The following DLGAP2 variants were observed in gnomAD, a reference collection of about 807,000 sequenced individuals.
DLGAP2 encodes the protein DLG associated protein 2.
Under a neutral mutation model 100.3 loss-of-function variants are expected in DLGAP2, and 26 were observed. The observed-to-expected ratio is 0.26, with a 90% CI of 0.19 to 0.36. The LOEUF (loss-of-function observed/expected upper bound fraction) is 0.36. Ranked by LOEUF, DLGAP2 falls within the 10% of genes least tolerant of loss-of-function variation. The pLI is 1.00. For synonymous variants in DLGAP2, 886 were observed against 630.1 expected (o/e 1.41, Z -6.08); for missense variants, 1,858 against 1,453.2 (o/e 1.28, Z -4.53).
chr8:915,281 C>T (rs1312184337), intron 2 of DLGAP2, among the ~76,000 whole-genome samples: 1 of 152,214 alleles, frequency 6.6e-6, no homozygotes, highest in African/African-American at 2.4e-5. Flanking sequence ...GGCGCGGTGG[C>T]TCACGCCTGT....
chr8:1,433,397 C>T (rs780897147), intron 3 of DLGAP2, among the ~76,000 whole-genome samples: 3 of 152,286 alleles, frequency 2.0e-5, no homozygotes, highest in East Asian at 3.9e-4. Flanking sequence ...GCCAGGCACC[C>T]GCTGCGGTGG....
intron 6 of DLGAP2, among the ~76,000 whole-genome samples, chr8:1,585,214 G>A (rs1161752410): frequency 6.6e-6 from 1 of 152,186 alleles, no homozygotes; most frequent in African/African-American, 2.4e-5. Flanking sequence ...TGTGATCCCA[G>A]CACTTTGGGA....
chr8:1,448,186 T>C (rs903771781), intron 3 of DLGAP2, among the ~76,000 whole-genome samples: 1 of 152,216 alleles, frequency 6.6e-6, no homozygotes, highest in Non-Finnish European at 1.5e-5. Flanking sequence ...ATTAGGGTGT[T>C]GATTTTGGAT....
At chr8:1,006,605 G>A (rs1327154777) in intron 2 of DLGAP2, among the ~76,000 whole-genome samples, 1 of 45,696 alleles carries the variant, frequency 2.2e-5, no homozygotes, top group African/African-American at 1.0e-4. Context: ...GTCTCGGGAT[G>A]TGGTCCTTTA....
chr8:881,496 CTTTTTTTT>C (rs533557661), intron 1 of DLGAP2, among the ~76,000 whole-genome samples: 15 of 85,628 alleles, frequency 1.8e-4, no homozygotes, highest in Admixed American at 1.3e-4. Flanking sequence ...TTTCATCTCT[CTTTTTTTT>C]TTTTTTTTTT....
intron 3 of DLGAP2, among the ~76,000 whole-genome samples, chr8:1,357,978 C>T (rs368674388): frequency 6.6e-6 from 1 of 152,136 alleles, no homozygotes; most frequent in African/African-American, 2.4e-5. Context: ...CAGACCCAAT[C>T]GACTTAGAGA....
chr8:1,476,597 G>A (rs1798936409), intron 3 of DLGAP2, among the ~76,000 whole-genome samples: 1 of 152,164 alleles, frequency 6.6e-6, no homozygotes, highest in Non-Finnish European at 1.5e-5. Context: ...CCCCATCGGT[G>A]ACATTCCTCA....
intron 2 of DLGAP2, among the ~76,000 whole-genome samples, chr8:1,076,111 C>G (rs1360984304): frequency 6.6e-6 from 1 of 152,130 alleles, no homozygotes; most frequent in African/African-American, 2.4e-5. Flanking sequence ...AGAAAATCCA[C>G]AAGTGATTTA....
intron 2 of DLGAP2, among the ~76,000 whole-genome samples, chr8:1,076,070 G>A (rs1177428512): frequency 6.6e-6 from 1 of 152,106 alleles, no homozygotes; most frequent in Non-Finnish European, 1.5e-5. Flanking sequence ...CTAGCAAAAG[G>A]TAGGAGGATT....
At chr8:1,148,906 C>T (rs1329873437) in intron 2 of DLGAP2, among the ~76,000 whole-genome samples, 1 of 152,136 alleles carries the variant, frequency 6.6e-6, no homozygotes, top group Admixed American at 6.5e-5. Flanking sequence ...TTATTTCTGA[C>T]TTCAGTGGTC....
intron 1 of DLGAP2, among the ~76,000 whole-genome samples, chr8:760,406 G>A (rs1452805175): frequency 6.6e-6 from 1 of 152,006 alleles, no homozygotes; most frequent in Non-Finnish European, 1.5e-5. Flanking sequence ...ATGTTTTTCT[G>A]TCCTTATTTC....
chr8:1,288,142 A>ATGTG (rs1225634002), intron 3 of DLGAP2, among the ~76,000 whole-genome samples: 2 of 52,276 alleles, frequency 3.8e-5, no homozygotes, highest in African/African-American at 7.6e-5. Context: ...TCGGTTGAGT[A>ATGTG]TGTGTGTGTG....
intron 3 of DLGAP2, among the ~76,000 whole-genome samples, chr8:1,314,618 C>T (rs1480787607): frequency 4.6e-5 from 7 of 152,206 alleles, no homozygotes; most frequent in African/African-American, 1.4e-4. Context: ...TTGAGGGTCT[C>T]ATTGGAGAAT....
intron 1 of DLGAP2, among the ~76,000 whole-genome samples, chr8:789,857 G>A (rs958135439): frequency 2.6e-5 from 4 of 152,168 alleles, no homozygotes; most frequent in Admixed American, 1.3e-4. Flanking sequence ...AAGTGGTATT[G>A]CCCTGTGTAA....
At chr8:928,313 T>A (rs1467415121) in intron 2 of DLGAP2, among the ~76,000 whole-genome samples, 17 of 152,172 alleles carry the variant, frequency 1.1e-4, no homozygotes. Flanking sequence ...CTAGGCATCC[T>A]GGACAGGGAT....
At chr8:1,524,664 T>C (rs951637333) in intron 4 of DLGAP2, among the ~76,000 whole-genome samples, 2 of 152,138 alleles carry the variant, frequency 1.3e-5, no homozygotes, top group Non-Finnish European at 2.9e-5. Context: ...TGGAGCTCTT[T>C]CCATATAATC....
chr8:987,725 G>A (rs948072270), intron 2 of DLGAP2, among the ~76,000 whole-genome samples: 4 of 152,112 alleles, frequency 2.6e-5, no homozygotes, highest in East Asian at 3.9e-4. Flanking sequence ...CCAAGCCGAC[G>A]ACAAGCCCAC....
At chr8:1,413,743 C>T (rs751665848) in intron 3 of DLGAP2, among the ~76,000 whole-genome samples, 2 of 152,252 alleles carry the variant, frequency 1.3e-5, no homozygotes, top group African/African-American at 4.8e-5. Context: ...AGCTCTTCTG[C>T]AGGTGCAATG....
chr8:1,570,410 A>G (rs1187655964), intron 6 of DLGAP2, among the ~76,000 whole-genome samples: 1 of 152,250 alleles, frequency 6.6e-6, no homozygotes, highest in Non-Finnish European at 1.5e-5. Context: ...GCACATTTAA[A>G]TATCAGCATT....
Sources: allele counts gnomAD v4.1 joint callset (sites outside exome capture counted in the v4.1 genomes callset), GRCh38; gene constraint gnomAD v4.1.1; transcripts MANE v1.5; gene names NCBI Gene and HGNC (gene_info 2026-07-23, HGNC 2026-07-21).